The following MRPL34 variants were observed in gnomAD, a reference collection of about 807,000 sequenced individuals.
The protein encoded by MRPL34 is large ribosomal subunit protein bL34m.
MRPL34 carries 8 observed loss-of-function variants against 6.7 expected under a neutral mutation model. That is an observed-to-expected ratio of 1.20 (90% confidence interval 0.70 to 2.16). The LOEUF is 2.16. Ranked by LOEUF, MRPL34 falls within the 30% of genes most tolerant of loss-of-function variation. The pLI is 0.00. For synonymous variants in MRPL34, 59 were observed against 55.1 expected, an observed-to-expected ratio of 1.07 and a Z score of -0.31; for missense variants, 146 against 125.5, an observed-to-expected ratio of 1.16 and a Z score of -0.78.
upstream of MRPL34, among the ~76,000 whole-genome samples, chr19:17,299,327 C>T (rs990766517): frequency 6.7e-6 from 1 of 150,098 alleles, no homozygotes; most frequent in African/African-American, 2.5e-5. Flanking sequence ...TTTGGGAGGC[C>T]GAGGAGGGCG....
chr19:17,301,607 C>A (rs919856528), upstream of MRPL34: 3 of 1,551,410 alleles, frequency 1.9e-6, no homozygotes, highest in East Asian at 2.3e-5. Context: ...TCGGTCACCC[C>A]GGTCAGCATG....
upstream of MRPL34, chr19:17,300,872 T>G: frequency 6.3e-7 from 1 of 1,596,042 alleles, no homozygotes; most frequent in Non-Finnish European, 8.6e-7. Context: ...GAATGGCCAA[T>G]GAGCACATTT....
At chr19:17,294,162 C>A (rs2074082854) in intron 1 of MRPL34, 3 of 1,206,296 alleles carry the variant, frequency 2.5e-6, no homozygotes, top group Admixed American at 2.5e-5. Flanking sequence ...GCCCACCCGG[C>A]AGCCACGCCC....
At position 17,306,349 on chromosome 19, in the gene MRPL34, G is replaced by A. The variant is rs748337020; in HGVS notation, c.249G>A (p.Met83Ile). The change falls in exon 2 of 2, where the codon ATG (methionine) becomes ATA (isoleucine). Residue 83 changes from methionine to isoleucine, a missense_variant. Physicochemically the swap from Met to Ile is conservative, Grantham distance 10. Coordinates refer to ENST00000252602, the MANE Select transcript of MRPL34 (RefSeq NM_023937.4). ...GCGTGCAGGTCATCCTTCGCCGAATGCTCAAGGGCCGCAAGTCGCTGAGCC... is the reference window on the plus strand; with the variant it reads ...GCGTGCAGGTCATCCTTCGCCGAATACTCAAGGGCCGCAAGTCGCTGAGCC... ...PAGVQVILRRMLKGRKSLSH is the reference protein window; with the variant it reads ...PAGVQVILRRILKGRKSLSH 4 of 1,606,808 alleles carry A rather than the reference G, an allele frequency of 2.5e-6. No homozygotes were observed. In the South Asian group the frequency reaches 3.3e-5, roughly 13 times the overall value.
upstream of MRPL34, chr19:17,300,961 G>T (rs1249927317): frequency 7.4e-6 from 12 of 1,613,406 alleles, no homozygotes; most frequent in Non-Finnish European, 1.0e-5. Context: ...GGCCACCTGG[G>T]GCGCAGAGCT....
upstream of MRPL34, chr19:17,305,834 T>G (rs1220388344): frequency 1.3e-6 from 2 of 1,519,122 alleles, no homozygotes; most frequent in Admixed American, 1.7e-5. Flanking sequence ...GTTCCAGGGC[T>G]GGAGCGGCTC....
chr19:17,306,213 TC>T lies in MRPL34; in HGVS notation c.117del (p.Thr40ProfsTer31). ...AWLGFPDAWG[L>X]PTPQQARGKA... The stretch of plus-strand genomic sequence containing the variant: ...CTGGGGTTCCCAGACGCCTGGGGCC[TC>T]CCCACCCCGCAGCAGGCCCGGGGCA... On this transcript the variant is annotated frameshift_variant, in exon 2 of 2. Coordinates refer to ENST00000252602, the MANE Select transcript of MRPL34 (RefSeq NM_023937.4). LOFTEE classifies it high-confidence loss of function. 1.3e-6 allele frequency: 2 copies of T among 1,559,190 alleles called. No individual in the cohort carries two copies. Among genetic ancestry groups the T allele is most frequent in the Non-Finnish European group, 1.7e-6 (2 of 1,152,374 alleles).
chr19:17,294,718 C>T (rs775000128), intron 1 of MRPL34: 65 of 1,614,028 alleles, frequency 4.0e-5, no homozygotes, highest in Non-Finnish European at 4.1e-5. Flanking sequence ...CAGTGCAGGA[C>T]GCAGGTGGGC....
chr19:17,294,851 C>T (rs1249542435), intron 1 of MRPL34: 2 of 1,612,562 alleles, frequency 1.2e-6, no homozygotes, highest in Admixed American at 1.7e-5. Flanking sequence ...AGACACTGCC[C>T]GGAACGGGTG....
chr19:17,303,967 C>T (rs918511471), upstream of MRPL34, among the ~76,000 whole-genome samples: 1 of 152,052 alleles, frequency 6.6e-6, no homozygotes, highest in Non-Finnish European at 1.5e-5. Context: ...CCTACGCCCC[C>T]CCCTTTTCTT....
upstream of MRPL34, among the ~76,000 whole-genome samples, chr19:17,301,881 C>T (rs926874463): frequency 2.6e-5 from 4 of 152,000 alleles, no homozygotes; most frequent in East Asian, 1.9e-4. Flanking sequence ...GCAACCTCCC[C>T]CTCCTGGGTT....
At chr19:17,294,266 C>T (rs749967311) in intron 1 of MRPL34, 3 of 1,589,176 alleles carry the variant, frequency 1.9e-6, no homozygotes, top group African/African-American at 1.3e-5. Context: ...GTAGCTGTGG[C>T]GCCCCAGGTG....
upstream of MRPL34, chr19:17,298,572 G>A (rs901764726): frequency 3.3e-5 from 5 of 152,036 alleles, no homozygotes; most frequent in African/African-American, 9.7e-5. Context: ...ACCAGGGCAC[G>A]CTTGGCAACT....
At chr19:17,294,555 G>A (rs376684191) in intron 1 of MRPL34, 2 of 1,611,014 alleles carry the variant, frequency 1.2e-6, no homozygotes, top group Middle Eastern at 1.7e-4. Context: ...CCCGACTGCC[G>A]TGGGGTGCCC....
upstream of MRPL34, chr19:17,298,080 A>AATT (rs1358693331): frequency 6.6e-6 from 1 of 151,250 alleles, no homozygotes; most frequent in Admixed American, 6.6e-5. Flanking sequence ...ATGCCTGGCT[A>AATT]ATTTTTTTTT....
upstream of MRPL34, among the ~76,000 whole-genome samples, chr19:17,299,599 A>G (rs1172087977): frequency 6.6e-6 from 1 of 150,890 alleles, no homozygotes; most frequent in Non-Finnish European, 1.5e-5. Context: ...GCTGAGCACA[A>G]TGACTCACAC....
chr19:17,303,782 T>C (rs887871574), upstream of MRPL34, among the ~76,000 whole-genome samples: 2 of 152,162 alleles, frequency 1.3e-5, no homozygotes, highest in Admixed American at 6.5e-5. Context: ...CTTCTCTCTG[T>C]ATTGACCTTT....
chr19:17,301,153 T>C, upstream of MRPL34: 1 of 1,611,628 alleles, frequency 6.2e-7, no homozygotes, highest in Non-Finnish European at 8.5e-7. Context: ...GATGGTCCTC[T>C]TGGGGCGCCT....
chr19:17,306,517 T>C lies in MRPL34; in HGVS notation c.*138T>C. 2.6e-6 allele frequency: 2 copies of C among 772,584 alleles called. No homozygotes were observed. Among genetic ancestry groups the C allele is most frequent in the Non-Finnish European group, 4.0e-6 (2 of 499,764 alleles). 47.9% of individuals were successfully genotyped at this position (772,584 alleles called of 1,614,324 possible). A position where few individuals can be genotyped will look rare whatever the true frequency, so the allele number is the denominator to read the frequency against. ...CTCTCCATATTGTGGGGTTGAAGTC[T>C]GGATGGGAGCTTGCCAAGTCCCTTT... On this transcript the variant is annotated 3_prime_UTR_variant, in exon 2 of 2. Transcript: ENST00000252602.
Sources: allele counts gnomAD v4.1 joint callset (sites outside exome capture counted in the v4.1 genomes callset), GRCh38; gene constraint gnomAD v4.1.1; transcripts MANE v1.5; gene names NCBI Gene and HGNC (gene_info 2026-07-23, HGNC 2026-07-21).